The following ZNF831 variants were observed in gnomAD, a reference collection of about 807,000 sequenced individuals.
ZNF831 encodes the protein chromosome 20 open reading frame 174.
A neutral mutation model predicts 95.8 loss-of-function variants in ZNF831; 59 were observed. The observed-to-expected ratio is 0.62, with a 90% CI of 0.50 to 0.77. The LOEUF (loss-of-function observed/expected upper bound fraction) is 0.77. Ranked by LOEUF, ZNF831 falls within the 30% of genes least tolerant of loss-of-function variation. The pLI, the probability that ZNF831 is intolerant of heterozygous loss-of-function variation, is 0.00. For synonymous variants in ZNF831, 961 were observed against 925.5 expected (o/e 1.04, Z -0.70); for missense variants, 2,205 against 2,164.0 (o/e 1.02, Z -0.38).
chr20:59,198,902 G>A (rs1170945934), intron 3 of ZNF831, among the ~76,000 whole-genome samples: 1 of 152,062 alleles, frequency 6.6e-6, no homozygotes, highest in Non-Finnish European at 1.5e-5. Flanking sequence ...TGGCTCCCCT[G>A]TCTCAGAAAA....
chr20:59,165,119 T>C (rs1679386032), intron 1 of ZNF831, among the ~76,000 whole-genome samples: 1 of 152,168 alleles, frequency 6.6e-6, no homozygotes, highest in South Asian at 2.1e-4. Flanking sequence ...GAGATTTGCT[T>C]CCTTAGCTGT....
At chr20:59,138,804 C>T (rs935507959) in intron 1 of ZNF831, among the ~76,000 whole-genome samples, 6 of 152,156 alleles carry the variant, frequency 3.9e-5, no homozygotes, top group African/African-American at 1.4e-4. Context: ...CAGAAACAAA[C>T]GTTTATTGTT....
chr20:59,141,754 A>G (rs1004769075), intron 1 of ZNF831, among the ~76,000 whole-genome samples: 1 of 152,256 alleles, frequency 6.6e-6, no homozygotes. Flanking sequence ...CTTTAAATTG[A>G]TGGTTACAAC....
chr20:59,227,826 C>T (rs6092753), intron 4 of ZNF831, among the ~76,000 whole-genome samples: 4,688 of 151,876 alleles, frequency 0.031, 257 homozygotes, highest in African/African-American at 0.11. Context: ...GAAAAAAATA[C>T]AAGCGCCATA....
At chr20:59,141,739 AT>A (rs1979686609) in intron 1 of ZNF831, among the ~76,000 whole-genome samples, 1 of 152,240 alleles carries the variant, frequency 6.6e-6, no homozygotes, top group Non-Finnish European at 1.5e-5. Flanking sequence ...AAAATTAATG[AT>A]TTTCTTTAAA....
At chr20:59,131,149 G>A (rs1356208679) in intron 1 of ZNF831, among the ~76,000 whole-genome samples, 1 of 152,186 alleles carries the variant, frequency 6.6e-6, no homozygotes, top group Non-Finnish European at 1.5e-5. Context: ...TCCATCTTGG[G>A]TCTTGGGACC....
At chr20:59,180,780 G>A (rs1203819546) in intron 1 of ZNF831, among the ~76,000 whole-genome samples, 2 of 152,202 alleles carry the variant, frequency 1.3e-5, no homozygotes, top group African/African-American at 2.4e-5. Flanking sequence ...ATCACTGATG[G>A]GCATTTGGGT....
At chr20:59,148,938 G>T (rs13433348) in intron 2 of ZNF831, among the ~76,000 whole-genome samples, 4 of 152,158 alleles carry the variant, frequency 2.6e-5, no homozygotes, top group Non-Finnish European at 5.9e-5. Flanking sequence ...GTGCCTTGGA[G>T]AGCAGGTGCA....
chr20:59,198,343 A>G (rs1984274858), intron 3 of ZNF831, among the ~76,000 whole-genome samples: 1 of 152,222 alleles, frequency 6.6e-6, no homozygotes, highest in South Asian at 2.1e-4. Flanking sequence ...CTTTTCTTGA[A>G]ATATGGGAAG....
At chr20:59,195,753 A>G in intron 2 of ZNF831, 116 bp from the exon 3 acceptor site, 1 of 1,503,986 alleles carries the variant, frequency 6.6e-7, no homozygotes. Flanking sequence ...GCAATGCAGT[A>G]TTTCCGTTTT....
intron 4 of ZNF831, among the ~76,000 whole-genome samples, chr20:59,239,584 CT>C (rs1028798028): frequency 2.9e-5 from 4 of 138,934 alleles, no homozygotes; most frequent in African/African-American, 1.1e-4. Flanking sequence ...GAGTCTCGCT[CT>C]GTCGCCCAGG....
At chr20:59,157,031 G>T (rs1274926416) in intron 2 of ZNF831, among the ~76,000 whole-genome samples, 3 of 152,168 alleles carry the variant, frequency 2.0e-5, no homozygotes, top group Non-Finnish European at 4.4e-5. Context: ...CAGGGTAAAT[G>T]GTGCATCCAT....
intron 4 of ZNF831, among the ~76,000 whole-genome samples, chr20:59,247,154 A>G (rs1987653150): frequency 6.6e-6 from 1 of 152,228 alleles, no homozygotes; most frequent in Admixed American, 6.5e-5. Flanking sequence ...AATTACATGT[A>G]TAGATGATTC....
At chr20:59,135,474 G>A (rs1483944904) in intron 1 of ZNF831, among the ~76,000 whole-genome samples, 1 of 152,194 alleles carries the variant, frequency 6.6e-6, no homozygotes, top group Non-Finnish European at 1.5e-5. Context: ...GCTCACGCCT[G>A]TAATCCCAGC....
chr20:59,152,499 C>T (rs1002051397), intron 2 of ZNF831, among the ~76,000 whole-genome samples: 1 of 152,178 alleles, frequency 6.6e-6, no homozygotes, highest in Non-Finnish European at 1.5e-5. Context: ...AGGGTGCACG[C>T]ATCCATCCGT....
At chr20:59,128,688 T>A (rs1871690893) in intron 1 of ZNF831, among the ~76,000 whole-genome samples, 2 of 152,226 alleles carry the variant, frequency 1.3e-5, no homozygotes, top group South Asian at 4.1e-4. Context: ...TGTGACCAGG[T>A]CAGAGGTGGT....
chr20:59,192,050 C>T lies in ZNF831; in HGVS notation c.1031C>T (p.Ser344Leu), dbSNP rs1290161295. Reference protein sequence around the residue: ...GRLRKCESTDSGYLSRSDSAE... With the variant: ...GRLRKCESTDLGYLSRSDSAE... Reference sequence around the variant, plus strand: ...CTGCGGAAGTGTGAGAGCACCGACTCGGGGTACCTGTCGCGCTCCGACAGC... The same window carrying T: ...CTGCGGAAGTGTGAGAGCACCGACTTGGGGTACCTGTCGCGCTCCGACAGC... Residue 344 changes from serine (S) to leucine (L), a missense_variant, in exon 2 of 6, where the codon TCG (serine) becomes TTG (leucine). Physicochemically the swap from Ser to Leu is moderately radical, Grantham distance 145. Transcript: ENST00000371030. The surrounding 1 kb of genome is among the most constrained non-coding windows in gnomAD (Gnocchi z 5.2). 2 of 1,608,176 alleles carry T rather than the reference C, an allele frequency of 1.2e-6. No individual in the cohort carries two copies. The highest frequency in any genetic ancestry group is 1.7e-5 in the Admixed American group (1 of 59,904).
chr20:59,222,499 T>C lies in ZNF831; in HGVS notation c.4027+15443T>C, dbSNP rs927599683. ...CTCTGTTTTTCTCTCTCTCTTTTTTTTTTTTTGTGTGACAACAACCTCACA... is the reference window on the plus strand; with the variant it reads ...CTCTGTTTTTCTCTCTCTCTTTTTTCTTTTTTGTGTGACAACAACCTCACA... On this transcript the variant is annotated intron_variant, in intron 4 of 5. Transcript: ENST00000371030. 8.6e-5 allele frequency among the ~76,000 whole-genome samples: 13 copies of C among 151,948 alleles called. No homozygotes were observed. The East Asian group carries it at 1.2e-3, about 13-fold the overall frequency.
At chr20:59,210,730 C>T (rs1985243305) in intron 4 of ZNF831, among the ~76,000 whole-genome samples, 1 of 152,238 alleles carries the variant, frequency 6.6e-6, no homozygotes, top group Admixed American at 6.5e-5. Flanking sequence ...CCTGAGCTCC[C>T]TCCATGTGGG....
Sources: gnomAD v4.1 joint callset for allele counts (sites outside exome capture counted in the v4.1 genomes callset) on GRCh38, gnomAD v4.1.1 for gene constraint, Gnocchi (gnomAD v3.1) non-coding constraint, MANE v1.5 for transcripts, NCBI Gene and HGNC (gene_info 2026-07-23, HGNC 2026-07-21) for gene names.